The following CRYL1 variants were observed in gnomAD, a reference collection of about 807,000 sequenced individuals.
CRYL1 encodes the protein lambda-crystallin homolog.
CRYL1 carries 29 observed loss-of-function variants against 36.6 expected under a neutral mutation model. The ratio of observed to expected loss-of-function variants is 0.79; its 90% confidence interval spans 0.59 to 1.08. The LOEUF is 1.08. CRYL1 is among the 50% of genes least tolerant of loss of function. The pLI, the probability that CRYL1 is intolerant of heterozygous loss-of-function variation, is 0.00. For missense variants in CRYL1, 411 were observed against 407.9 expected, an observed-to-expected ratio of 1.01 and a Z score of -0.06; for synonymous variants, 152 against 151.5, an observed-to-expected ratio of 1.00 and a Z score of -0.02.
intron 5 of CRYL1, among the ~76,000 whole-genome samples, chr13:20,422,120 A>T (rs867007619): frequency 2.0e-5 from 3 of 152,172 alleles, no homozygotes; most frequent in Non-Finnish European, 4.4e-5. Flanking sequence ...GCACTTTGGG[A>T]GGCCAAGGCA....
intron 7 of CRYL1, 31 bp downstream of exon 7, chr13:20,404,604 C>T (rs2031315451): frequency 6.9e-7 from 1 of 1,450,620 alleles, no homozygotes; most frequent in South Asian, 1.1e-5. Context: ...CAACATGCTT[C>T]TCTGCAGTGA....
intron 3 of CRYL1, among the ~76,000 whole-genome samples, chr13:20,450,780 T>G (rs957647096): frequency 3.3e-5 from 5 of 152,206 alleles, no homozygotes; most frequent in Non-Finnish European, 5.9e-5. Context: ...ATTGTGGCAC[T>G]ATTCACAATA....
intron 5 of CRYL1, among the ~76,000 whole-genome samples, chr13:20,416,817 C>T (rs8000139): frequency 4.6e-5 from 7 of 152,136 alleles, no homozygotes; most frequent in African/African-American, 1.4e-4. Flanking sequence ...CCCTAACTAA[C>T]GCCTGAGAAG....
Position 20,466,356 on chromosome 13 carries a change from A to T in CRYL1, c.276+23014T>A, listed in dbSNP as rs116459342. On this transcript the variant is annotated intron_variant, in intron 3 of 7. Transcript: ENST00000298248. ...TTTTTAAGTATGTACATAAAAGGAC[A>T]CTATAGACAGGGGCAGCTGGCAAAA... is the stretch of plus-strand genomic sequence containing the variant. Among the ~76,000 whole-genome samples, 3 of 152,210 alleles carry T rather than the reference A, an allele frequency of 2.0e-5. No individual in the cohort carries two copies. In the East Asian group the frequency reaches 5.8e-4, roughly 29 times the overall value.
chr13:20,403,912 C>G lies in CRYL1; in HGVS notation c.*217G>C, dbSNP rs187313501. ...CCAGGTGGCAGGAAATCGACAGCCCCGAGAACGCAAGTGCTGCTGTGCCGC... is the reference window on the plus strand; with the variant it reads ...CCAGGTGGCAGGAAATCGACAGCCCGGAGAACGCAAGTGCTGCTGTGCCGC... On this transcript the variant is annotated 3_prime_UTR_variant, in exon 8 of 8. Coordinates refer to ENST00000298248, the MANE Select transcript of CRYL1 (RefSeq NM_015974.3). 1.3e-5 allele frequency: 5 copies of G among 392,750 alleles called. No homozygotes were observed. In the Admixed American group the frequency reaches 1.3e-4, roughly 10 times the overall value. 24.3% of individuals were successfully genotyped at this position (392,750 alleles called of 1,614,324 possible). A position where few individuals can be genotyped will look rare whatever the true frequency, so the allele number is the denominator to read the frequency against.
chr13:20,509,149 G>A (rs944458656), intron 2 of CRYL1, among the ~76,000 whole-genome samples: 11 of 148,960 alleles, frequency 7.4e-5, no homozygotes, highest in East Asian at 2.0e-4. Flanking sequence ...AGCCAAGATC[G>A]CGCCATTGCA....
chr13:20,406,099 C>G (rs2031366926), intron 6 of CRYL1: 1 of 152,164 alleles, frequency 6.6e-6, no homozygotes, highest in African/African-American at 2.4e-5. Flanking sequence ...TCTTTCAAAC[C>G]CTTAAAGGCT....
intron 3 of CRYL1, among the ~76,000 whole-genome samples, chr13:20,464,257 G>T (rs987657484): frequency 2.0e-4 from 30 of 152,274 alleles, no homozygotes; most frequent in African/African-American, 6.5e-4. Flanking sequence ...AGCTGGGTAT[G>T]GTGGCACGTG....
In CRYL1 at chr13:20,504,783, A is replaced by C. The variant is rs192931401; in HGVS notation, c.149+7660T>G. 2.6e-5 allele frequency among the ~76,000 whole-genome samples: 4 copies of C among 152,330 alleles called. No homozygotes were observed. In the East Asian group the frequency reaches 5.8e-4, roughly 22 times the overall value. On this transcript the variant is annotated intron_variant, in intron 2 of 7. Transcript: ENST00000298248. ...TCTTATTGTGCCACCCTGTTAGAAA[A>C]AGATTAGTCTCAGATGACAGCTTTT...
At chr13:20,416,462 T>C (rs2031667919) in intron 5 of CRYL1, among the ~76,000 whole-genome samples, 1 of 152,128 alleles carries the variant, frequency 6.6e-6, no homozygotes, top group African/African-American at 2.4e-5. Context: ...CTCCCTGCCC[T>C]CTCTCCAGGC....
chr13:20,507,682 G>A (rs1376758746), intron 2 of CRYL1, among the ~76,000 whole-genome samples: 1 of 152,168 alleles, frequency 6.6e-6, no homozygotes, highest in Admixed American at 6.5e-5. Context: ...ACTTTGGGAG[G>A]CCAAGGCAGG....
intron 2 of CRYL1, among the ~76,000 whole-genome samples, chr13:20,510,144 C>A (rs1008853658): frequency 6.6e-6 from 1 of 152,164 alleles, no homozygotes; most frequent in African/African-American, 2.4e-5. Context: ...TCCAATCTAG[C>A]AATTGTGCTT....
intron 5 of CRYL1, among the ~76,000 whole-genome samples, chr13:20,417,049 GT>G (rs1177146038): frequency 1.3e-5 from 2 of 152,168 alleles, no homozygotes; most frequent in African/African-American, 4.8e-5. Context: ...CAAAGCTTGA[GT>G]TTTTACCAAG....
chr13:20,450,813 A>G (rs563623167), intron 3 of CRYL1, among the ~76,000 whole-genome samples: 6 of 152,284 alleles, frequency 3.9e-5, no homozygotes, highest in African/African-American at 9.6e-5. Context: ...AACCAACCCA[A>G]ATGTCCATCA....
intron 1 of CRYL1, 115 bp from the exon 2 acceptor site, chr13:20,512,665 A>AT: frequency 1.5e-6 from 1 of 676,560 alleles, no homozygotes; most frequent in Non-Finnish European, 2.5e-6. Flanking sequence ...AAAATATTCA[A>AT]TACATATCTT....
At chr13:20,404,372 A>T (rs540508557) in intron 7 of CRYL1, 130 bp from the exon 8 acceptor site, 57 of 652,908 alleles carry the variant, frequency 8.7e-5, no homozygotes, top group Admixed American at 6.1e-4. Flanking sequence ...ACCCTCAATG[A>T]ACAGCAGCTT....
intron 3 of CRYL1, among the ~76,000 whole-genome samples, chr13:20,460,586 C>A (rs549872043): frequency 7.5e-6 from 1 of 133,462 alleles, no homozygotes; most frequent in Non-Finnish European, 1.5e-5. Flanking sequence ...AGTGCAGTGG[C>A]GCTATCTCGG....
intron 3 of CRYL1, among the ~76,000 whole-genome samples, chr13:20,451,446 C>G (rs527527921): frequency 6.6e-6 from 1 of 151,972 alleles, no homozygotes; most frequent in Non-Finnish European, 1.5e-5. Context: ...ATTGAACAAG[C>G]AACAAACAAA....
At chr13:20,485,653 A>C (rs1367295613) in intron 3 of CRYL1, among the ~76,000 whole-genome samples, 2 of 148,620 alleles carry the variant, frequency 1.3e-5, no homozygotes, top group Non-Finnish European at 3.0e-5. Context: ...TGGACAACAG[A>C]GCCAGACTCC....
Sources: gnomAD v4.1 joint callset for allele counts (sites outside exome capture counted in the v4.1 genomes callset) on GRCh38, gnomAD v4.1.1 for gene constraint, MANE v1.5 for transcripts, NCBI Gene and HGNC (gene_info 2026-07-23, HGNC 2026-07-21) for gene names.